CRTAC1: variants seen among roughly 807,000 people sequenced by gnomAD.
CRTAC1 encodes the protein acidic secreted protein in cartilage.
In CRTAC1, 37 loss-of-function variants were observed where a neutral mutation model predicts 67.8. The observed-to-expected ratio is 0.55, with a 90% CI of 0.42 to 0.72. The LOEUF is 0.72. Ranked by LOEUF, CRTAC1 falls within the 30% of genes least tolerant of loss-of-function variation. The pLI is 0.00. For missense variants in CRTAC1, 780 were observed against 931.6 expected (o/e 0.84, Z 2.12); for synonymous variants, 348 against 371.0 (o/e 0.94, Z 0.71).
At chr10:97,989,603 T>C (rs1343813190) in intron 2 of CRTAC1, among the ~76,000 whole-genome samples, 9 of 152,368 alleles carry the variant, frequency 5.9e-5, no homozygotes, top group South Asian at 4.1e-4. Context: ...ACCACCATTG[T>C]ACATGTGGTT....
Position 97,988,202 on chromosome 10 carries a change from C to T in CRTAC1, c.224+22936G>A, listed in dbSNP as rs1381762170. ...TTTCTCAAGGCTCAGTTAATCTGGTCTTAACTTTGAGTTCTGTGTGTGCCC... is the reference window on the plus strand; with the variant it reads ...TTTCTCAAGGCTCAGTTAATCTGGTTTTAACTTTGAGTTCTGTGTGTGCCC... On this transcript the variant is annotated intron_variant, in intron 2 of 14. Coordinates refer to ENST00000370597, the MANE Select transcript of CRTAC1 (RefSeq NM_018058.7). 2.2e-5 allele frequency among the ~76,000 whole-genome samples: 3 copies of T among 138,400 alleles called. No individual in the cohort carries two copies. The East Asian group carries it at 7.5e-4, about 35-fold the overall frequency. 90.8% of individuals were successfully genotyped at this position (138,400 alleles called of 152,430 possible).
intron 2 of CRTAC1, among the ~76,000 whole-genome samples, chr10:97,997,451 CAAAAAAA>C (rs746635057): frequency 3.3e-4 from 16 of 48,236 alleles, no homozygotes; most frequent in East Asian, 2.8e-3. Context: ...GACTCTGTCT[CAAAAAAA>C]AAAAAAAAAA....
At chr10:97,957,203 A>C (rs544671348) in intron 2 of CRTAC1, among the ~76,000 whole-genome samples, 3 of 152,230 alleles carry the variant, frequency 2.0e-5, no homozygotes, top group African/African-American at 7.2e-5. Context: ...TGTGTCTGGC[A>C]TTGGCAGTCT....
Position 97,917,605 on chromosome 10 carries a change from C to T in CRTAC1, c.610G>A (p.Gly204Ser). The change falls in exon 5 of 15, where the codon GGC (glycine) becomes AGC (serine). Residue 204 changes from glycine (G) to serine (S), a missense_variant. By Grantham distance (56) the Gly-to-Ser change is moderately conservative. Transcript: ENST00000370597. ...YIANYAYGNV[G>S]PDALIEMDPE... ...TCCATTTCAATGAGGGCATCAGGGC[C>T]CACATTACCGTAGGCGTAATTGGCA... The T allele has an allele frequency of 1.2e-6, 2 of 1,600,570 alleles. No individual in the cohort carries two copies. The highest frequency in any genetic ancestry group is 1.7e-6 in the Non-Finnish European group (2 of 1,172,028).
chr10:97,879,894 G>GA (rs895486415), intron 14 of CRTAC1: 44 of 1,161,266 alleles, frequency 3.8e-5, no homozygotes, highest in Admixed American at 1.3e-4. Context: ...TTGGGAAGAA[G>GA]AAATTACCAG....
intron 2 of CRTAC1, among the ~76,000 whole-genome samples, chr10:97,964,787 T>C (rs2051588462): frequency 6.6e-6 from 1 of 152,204 alleles, no homozygotes; most frequent in Non-Finnish European, 1.5e-5. Flanking sequence ...TCATTTACCT[T>C]GATGTTCCTG....
chr10:97,996,586 G>A (rs1456964230), intron 2 of CRTAC1, among the ~76,000 whole-genome samples: 7 of 152,106 alleles, frequency 4.6e-5, no homozygotes, highest in Non-Finnish European at 8.8e-5. Context: ...AGGAAACAAC[G>A]GGTGCTGGAG....
Position 97,901,640 on chromosome 10 carries a change from C to G in CRTAC1, c.997-1G>C. The G allele has an allele frequency of 6.2e-7, 1 of 1,614,052 alleles. No individual in the cohort carries two copies. Among genetic ancestry groups the G allele is most frequent in the Non-Finnish European group, 8.5e-7 (1 of 1,179,960 alleles). ...TGGAGAACTTGGGTGAGGCGATGTCCTGGAGGAAACAAGGCTGGGGGTCAG... is the reference window on the plus strand; with the variant it reads ...TGGAGAACTTGGGTGAGGCGATGTCGTGGAGGAAACAAGGCTGGGGGTCAG... On this transcript the variant is annotated splice_acceptor_variant, in intron 7 of 14. Coordinates refer to ENST00000370597, the MANE Select transcript of CRTAC1 (RefSeq NM_018058.7). LOFTEE classifies it high-confidence loss of function.
intron 2 of CRTAC1, among the ~76,000 whole-genome samples, chr10:97,976,825 A>C (rs1415526171): frequency 6.6e-6 from 1 of 152,260 alleles, no homozygotes; most frequent in Non-Finnish European, 1.5e-5. Flanking sequence ...CTTCTTGATT[A>C]CAGGACTGCA....
At chr10:97,935,473 C>A (rs141736482) in intron 3 of CRTAC1, among the ~76,000 whole-genome samples, 1 of 152,172 alleles carries the variant, frequency 6.6e-6, no homozygotes, top group Non-Finnish European at 1.5e-5. Context: ...AGCCTGGGAG[C>A]GGGTCAGAAG....
intron 3 of CRTAC1, among the ~76,000 whole-genome samples, chr10:97,933,464 G>C (rs1423235384): frequency 1.3e-5 from 2 of 152,228 alleles, no homozygotes; most frequent in Non-Finnish European, 2.9e-5. Context: ...ATGCCCACCT[G>C]TTCTTCCTGG....
At chr10:97,874,699 T>TA (rs902108123) in intron 14 of CRTAC1, among the ~76,000 whole-genome samples, 9 of 152,186 alleles carry the variant, frequency 5.9e-5, no homozygotes, top group Non-Finnish European at 1.5e-5. Context: ...TCAAGTCTAA[T>TA]ATAATAACTC....
At chr10:97,973,252 A>G (rs1266047865) in intron 2 of CRTAC1, among the ~76,000 whole-genome samples, 2 of 152,262 alleles carry the variant, frequency 1.3e-5, no homozygotes, top group African/African-American at 4.8e-5. Flanking sequence ...CTCCCCAGCC[A>G]CTGTGCCCTC....
chr10:97,875,111 G>A (rs2050132374), intron 14 of CRTAC1, among the ~76,000 whole-genome samples: 1 of 152,188 alleles, frequency 6.6e-6, no homozygotes. Context: ...CAGTTACCTA[G>A]AGATCGCACA....
In CRTAC1 at chr10:97,865,715, C is replaced by T. The variant is rs1474601275; in HGVS notation, c.1820-1G>A. 1.9e-6 allele frequency: 3 copies of T among 1,597,156 alleles called. No homozygotes were observed. Among genetic ancestry groups the T allele is most frequent in the South Asian group, 2.2e-5 (2 of 89,244 alleles). ...GGGCCCGGTGACTGGCCGAGAGTCCCTGTAGGGAGGTGTATGGCCGGAGTG... is the reference window on the plus strand; with the variant it reads ...GGGCCCGGTGACTGGCCGAGAGTCCTTGTAGGGAGGTGTATGGCCGGAGTG... On this transcript the variant is annotated splice_acceptor_variant, in intron 14 of 14. Transcript: ENST00000370597. LOFTEE classifies it high-confidence loss of function.
Position 97,964,802 on chromosome 10 carries a change from G to A in CRTAC1, c.225-28436C>T, listed in dbSNP as rs932659721. 5.9e-5 allele frequency among the ~76,000 whole-genome samples: 9 copies of A among 152,186 alleles called. 1 individual carries two copies. Among genetic ancestry groups the A allele is most frequent in the African/African-American group, 2.2e-4 (9 of 41,428 alleles). On this transcript the variant is annotated intron_variant, in intron 2 of 14. Transcript: ENST00000370597. ...TCATTTACCTTGATGTTCCTGAAAT[G>A]ATCAGTCTTTAAAACCAAAGTAAGT...
At chr10:97,951,504 G>T (rs2051354850) in intron 2 of CRTAC1, among the ~76,000 whole-genome samples, 1 of 152,200 alleles carries the variant, frequency 6.6e-6, no homozygotes, top group African/African-American at 2.4e-5. Context: ...GCCAAGCATT[G>T]ACACTGATCA....
intron 2 of CRTAC1, among the ~76,000 whole-genome samples, chr10:97,984,077 A>G (rs1232956454): frequency 6.6e-6 from 1 of 152,218 alleles, no homozygotes; most frequent in Non-Finnish European, 1.5e-5. Context: ...AGAGGAAGAG[A>G]CAACAGCCAC....
At chr10:97,990,953 T>C (rs1842438175) in intron 2 of CRTAC1, among the ~76,000 whole-genome samples, 1 of 151,898 alleles carries the variant, frequency 6.6e-6, no homozygotes, top group African/African-American at 2.4e-5. Flanking sequence ...ACAAAAGATA[T>C]ATAGGTCTAA....
Sources: allele counts gnomAD v4.1 joint callset (sites outside exome capture counted in the v4.1 genomes callset), GRCh38; gene constraint gnomAD v4.1.1; transcripts MANE v1.5; gene names NCBI Gene and HGNC (gene_info 2026-07-23, HGNC 2026-07-21).